The following NCS1 variants were observed in gnomAD, a reference collection of about 807,000 sequenced individuals.
NCS1 encodes frequenin homolog.
NCS1 carries 6 observed loss-of-function variants against 28.4 expected under a neutral mutation model. The ratio of observed to expected loss-of-function variants is 0.21; its 90% confidence interval spans 0.12 to 0.42. The LOEUF (loss-of-function observed/expected upper bound fraction) is 0.42. Ranked by LOEUF, NCS1 falls within the 10% of genes least tolerant of loss-of-function variation. The probability of loss-of-function intolerance (pLI) is 1.00; values close to 1 mark genes in which losing one functional copy is unlikely to be tolerated. For synonymous variants in NCS1, 86 were observed against 99.3 expected, an observed-to-expected ratio of 0.87 and a Z score of 0.79; for missense variants, 131 against 241.4, an observed-to-expected ratio of 0.54 and a Z score of 3.03.
chr9:130,176,167 TTTCTTTCTTTCTTTCTTTCTTTCTTTC>T (rs1327766767), intron 1 of NCS1, among the ~76,000 whole-genome samples: 1,004 of 80,708 alleles, frequency 0.012, 87 homozygotes, highest in African/African-American at 0.068. Flanking sequence ...TCTTTCTTTC[TTTCTTTCTTTCTTTCTTTCTTTCTTTC>T]TTTTTTTTTT....
intron 7 of NCS1, among the ~76,000 whole-genome samples, chr9:130,228,405 G>A (rs1451223692): frequency 6.6e-6 from 1 of 151,320 alleles, no homozygotes; most frequent in African/African-American, 2.4e-5. Context: ...TTTCTGTAGT[G>A]TAGAGATAGA....
At chr9:130,176,935 C>G (rs1047044901) in intron 1 of NCS1, among the ~76,000 whole-genome samples, 1 of 152,216 alleles carries the variant, frequency 6.6e-6, no homozygotes, top group Non-Finnish European at 1.5e-5. Context: ...GAGGCACAAC[C>G]TCTGCCCTCC....
intron 6 of NCS1, among the ~76,000 whole-genome samples, chr9:130,224,136 G>A (rs371852418): frequency 3.4e-5 from 5 of 148,346 alleles, no homozygotes; most frequent in South Asian, 2.3e-4. Context: ...GTGAGCCACC[G>A]TGCCTGGCCA....
At chr9:130,229,660 T>C (rs1273008370) in intron 7 of NCS1, among the ~76,000 whole-genome samples, 1 of 152,208 alleles carries the variant, frequency 6.6e-6, no homozygotes, top group African/African-American at 2.4e-5. Context: ...CACCATGTCA[T>C]ATTATTTCCA....
rs1311908971 is a variant in NCS1, at chr9:130,177,626, C to T, written c.64+4899C>T. 6.6e-6 allele frequency among the ~76,000 whole-genome samples: 1 copy of T among 152,112 alleles called. No individual in the cohort carries two copies. The highest frequency in any genetic ancestry group is 1.5e-5 in the Non-Finnish European group (1 of 68,038). On this transcript the variant is annotated intron_variant, in intron 1 of 7. Transcript: ENST00000372398. The surrounding 1 kb of genome is among the most constrained non-coding windows in gnomAD (Gnocchi z 4.4). The stretch of plus-strand genomic sequence containing the variant: ...ATGGGCATCTGGGCAAGAAACATCA[C>T]CTGTGTTATTAGGAGAGGACTCGAT...
intron 4 of NCS1, among the ~76,000 whole-genome samples, chr9:130,222,100 G>C (rs1206184259): frequency 3.2e-5 from 2 of 62,368 alleles, no homozygotes; most frequent in African/African-American, 5.3e-5. Flanking sequence ...ATGTGTGTGT[G>C]TATATATATA....
At chr9:130,201,120 C>A in intron 2 of NCS1, 138 bp downstream of exon 2, 1 of 1,190,556 alleles carries the variant, frequency 8.4e-7, no homozygotes, top group Non-Finnish European at 1.3e-6. Context: ...TCCAGACAGC[C>A]TTTGTTCAGT....
chr9:130,194,935 G>A (rs12003792), intron 1 of NCS1, among the ~76,000 whole-genome samples: 37,807 of 152,212 alleles, frequency 0.25, 5,546 homozygotes, highest in Admixed American at 0.34. Flanking sequence ...GGAATCAGCA[G>A]GTGTTTTTCT....
chr9:130,204,379 C>T (rs1251983114), intron 2 of NCS1, among the ~76,000 whole-genome samples: 1 of 152,170 alleles, frequency 6.6e-6, no homozygotes, highest in Non-Finnish European at 1.5e-5. Context: ...GCCTTGACCT[C>T]CTGGGCTCAA....
rs368830266 is a variant in NCS1, at chr9:130,199,179, C to T, written c.65-1779C>T. On this transcript the variant is annotated intron_variant, in intron 1 of 7. Coordinates refer to ENST00000372398, the MANE Select transcript of NCS1 (RefSeq NM_014286.4). ...TGTGATCTTGGCTCACTGCAACCTC[C>T]GCCTCCCGGGTTCAAGCGATTCTCC... is the stretch of plus-strand genomic sequence containing the variant. 4.9e-4 allele frequency among the ~76,000 whole-genome samples: 74 copies of T among 152,044 alleles called. No individual in the cohort carries two copies. In the East Asian group the frequency reaches 9.5e-3, roughly 19 times the overall value.
At chr9:130,184,258 G>A (rs1415658532) in intron 1 of NCS1, among the ~76,000 whole-genome samples, 2 of 152,144 alleles carry the variant, frequency 1.3e-5, no homozygotes, top group Non-Finnish European at 2.9e-5. Context: ...GAGGGATGCT[G>A]AGCCAAGATG....
intron 6 of NCS1, among the ~76,000 whole-genome samples, chr9:130,223,790 C>T (rs1346721571): frequency 6.6e-6 from 1 of 151,918 alleles, no homozygotes; most frequent in Non-Finnish European, 1.5e-5. Context: ...GATTTTTTTT[C>T]CCCCAAGTTC....
chr9:130,172,652 C>G lies in NCS1; in HGVS notation c.-12C>G. 1 of 1,455,718 alleles carries G rather than the reference C, an allele frequency of 6.9e-7. No homozygotes were observed. Among genetic ancestry groups the G allele is most frequent in the Non-Finnish European group, 9.2e-7 (1 of 1,092,332 alleles). 90.2% of individuals were successfully genotyped at this position (1,455,718 alleles called of 1,614,324 possible). A position where few individuals can be genotyped will look rare whatever the true frequency, so the allele number is the denominator to read the frequency against. ...GTCCGGCCCGGGGGGGCGGGGGCCG[C>G]GGCCGCCGAGGATGGGGAAATCCAA... is the stretch of plus-strand genomic sequence containing the variant. On this transcript the variant is annotated 5_prime_UTR_variant, in exon 1 of 8. Coordinates refer to ENST00000372398, the MANE Select transcript of NCS1 (RefSeq NM_014286.4).
intron 2 of NCS1, 93 bp downstream of exon 2, chr9:130,201,075 G>A: frequency 1.3e-6 from 2 of 1,549,980 alleles, no homozygotes; most frequent in Admixed American, 3.3e-5. Flanking sequence ...AGCTGCTCAG[G>A]ATGGGGGCAT....
At chr9:130,216,906 C>T (rs577254655) in intron 2 of NCS1, among the ~76,000 whole-genome samples, 28 of 146,842 alleles carry the variant, frequency 1.9e-4, no homozygotes, top group African/African-American at 6.9e-4. Context: ...TGCGTGTCCT[C>T]CTGGGGGTGG....
chr9:130,202,353 C>A (rs1215371564), intron 2 of NCS1, among the ~76,000 whole-genome samples: 8 of 144,192 alleles, frequency 5.5e-5, no homozygotes, highest in African/African-American at 1.3e-4. Context: ...CCCTCCCCCC[C>A]ACCCCCTGAA....
chr9:130,200,453 GGACAGGCT>G, intron 1 of NCS1: 1 of 893,884 alleles, frequency 1.1e-6, no homozygotes, highest in Non-Finnish European at 1.8e-6. Flanking sequence ...GGGGCTGCAG[GGACAGGCT>G]GACAGGGAGG....
chr9:130,179,281 T>G (rs1832623445), intron 1 of NCS1, among the ~76,000 whole-genome samples: 2 of 152,230 alleles, frequency 1.3e-5, no homozygotes, highest in South Asian at 4.1e-4. Flanking sequence ...CTTTTTATTT[T>G]CTGACTTAAA....
At chr9:130,218,816 C>A (rs1204061223) in intron 3 of NCS1, among the ~76,000 whole-genome samples, 2 of 152,124 alleles carry the variant, frequency 1.3e-5, no homozygotes, top group African/African-American at 4.8e-5. Context: ...GTCTTGAACT[C>A]CTGACCTCAG....
Sources: gnomAD v4.1 joint callset for allele counts (sites outside exome capture counted in the v4.1 genomes callset) on GRCh38, gnomAD v4.1.1 for gene constraint, Gnocchi (gnomAD v3.1) non-coding constraint, MANE v1.5 for transcripts, NCBI Gene and HGNC (gene_info 2026-07-23, HGNC 2026-07-21) for gene names.